Variants in RFTN1 observed in about 807,000 individuals in gnomAD.
RFTN1 encodes raftlin.
Under a neutral mutation model 46.5 loss-of-function variants are expected in RFTN1, and 26 were observed. The observed-to-expected ratio is 0.56, with a 90% CI of 0.41 to 0.78. The LOEUF is 0.78. Among genes scored for constraint, RFTN1 ranks in the 30% least tolerant of loss-of-function variants. RFTN1 has a pLI of 0.00. For missense variants in RFTN1, 693 were observed against 718.7 expected (o/e 0.96, Z 0.41); for synonymous variants, 261 against 284.2 (o/e 0.92, Z 0.82).
rs533389425 is a variant in RFTN1 at position 16,452,220 on chromosome 3, CA to C, written c.146-18184del. ...CCAAGGATAAGGGGGAACTACTGTA[CA>C]AACAGTGAATGAGAGTTATTCATAA... On this transcript the variant is annotated intron_variant, in intron 2 of 9. Coordinates refer to ENST00000334133, the MANE Select transcript of RFTN1 (RefSeq NM_015150.2). This position sits in a 1 kb window ranked among gnomAD's most constrained non-coding sequence, Gnocchi z 6.3. 2.6e-5 allele frequency among the ~76,000 whole-genome samples: 4 copies of C among 151,330 alleles called. No individual in the cohort carries two copies. Among genetic ancestry groups the C allele is most frequent in the African/African-American group, 9.7e-5 (4 of 41,172 alleles).
At chr3:16,406,904 T>G (rs772758529) in intron 4 of RFTN1, among the ~76,000 whole-genome samples, 39 of 152,290 alleles carry the variant, frequency 2.6e-4, no homozygotes, top group Middle Eastern at 3.4e-3. Context: ...CAGACACACA[T>G]GTGCATACAC....
intron 7 of RFTN1, among the ~76,000 whole-genome samples, chr3:16,354,068 G>T (rs192862313): frequency 6.6e-6 from 1 of 152,196 alleles, no homozygotes; most frequent in Non-Finnish European, 1.5e-5. Context: ...TCTACCTTGG[G>T]CTGAACCAAA....
At chr3:16,355,536 A>T (rs1366181380) in intron 7 of RFTN1, among the ~76,000 whole-genome samples, 2 of 152,256 alleles carry the variant, frequency 1.3e-5, no homozygotes, top group Non-Finnish European at 2.9e-5. Context: ...AAGGGCATTC[A>T]TCCTATCCAT....
At chr3:16,349,610 A>G (rs1202049769) in intron 7 of RFTN1, 1 of 152,264 alleles carries the variant, frequency 6.6e-6, no homozygotes, top group African/African-American at 2.4e-5. Context: ...AGAAAAGGGT[A>G]TGTTCAAGAC....
chr3:16,338,706 A>T lies in RFTN1; in HGVS notation c.1147-11830T>A, dbSNP rs1180146691. On this transcript the variant is annotated intron_variant, in intron 7 of 9. Coordinates refer to ENST00000334133, the MANE Select transcript of RFTN1 (RefSeq NM_015150.2). The surrounding 1 kb of genome is among the most constrained non-coding windows in gnomAD (Gnocchi z 5.3). ...TATTACTCTCTTTAGACTATCAGAG[A>T]TGAATGAGGGATCCTATATCATATC... 6.6e-6 allele frequency among the ~76,000 whole-genome samples: 1 copy of T among 152,208 alleles called. No individual in the cohort carries two copies. Among genetic ancestry groups the T allele is most frequent in the Non-Finnish European group, 1.5e-5 (1 of 68,032 alleles).
intron 6 of RFTN1, among the ~76,000 whole-genome samples, chr3:16,368,321 A>ACTC (rs2073328554): frequency 2.0e-5 from 3 of 148,466 alleles, no homozygotes; most frequent in African/African-American, 7.5e-5. Context: ...GTGTAGAGGG[A>ACTC]GGTTACCCAC....
In RFTN1 at chr3:16,497,987, T is replaced by C. The variant is rs1324794262; in HGVS notation, c.-8-4110A>G. On this transcript the variant is annotated intron_variant, in intron 1 of 9. Coordinates refer to ENST00000334133, the MANE Select transcript of RFTN1 (RefSeq NM_015150.2). The stretch of plus-strand genomic sequence containing the variant: ...AGTACCAAGAAGCATTAGAAAACTC[T>C]TGTGATTCACAAGAGTTTAAAGTTT... Among the ~76,000 whole-genome samples the C allele has an allele frequency of 3.9e-5, 6 of 152,280 alleles. No homozygotes were observed. The East Asian group carries it at 1.2e-3, about 29-fold the overall frequency.
At chr3:16,340,416 G>C (rs939741952) in intron 7 of RFTN1, among the ~76,000 whole-genome samples, 1 of 152,190 alleles carries the variant, frequency 6.6e-6, no homozygotes, top group Non-Finnish European at 1.5e-5. Context: ...ATATGAATGA[G>C]GCCACTCTAG....
rs1414996462 is a variant in RFTN1, at chr3:16,513,496, T to C, written c.-63A>G. 6.6e-6 allele frequency: 1 copy of C among 152,040 alleles called. No homozygotes were observed. The highest frequency in any genetic ancestry group is 1.9e-4 in the East Asian group (1 of 5,148). The allele number at this position is 152,040 out of a possible 1,614,324, so 9.4% of individuals were successfully genotyped here. A position where few individuals can be genotyped will look rare whatever the true frequency, so the allele number is the denominator to read the frequency against. ...GTCGCGGGCTCCCTGAGGCAGCGTG[T>C]TCCGTCCCGGGAGGAAAGTTTGTGC... On this transcript the variant is annotated 5_prime_UTR_variant, in exon 1 of 10. Coordinates refer to ENST00000334133, the MANE Select transcript of RFTN1 (RefSeq NM_015150.2). The surrounding 1 kb of genome is among the most constrained non-coding windows in gnomAD (Gnocchi z 5.4).
In RFTN1 at chr3:16,425,138, A is replaced by G. The variant is rs141406997; in HGVS notation, c.332+8713T>C. Among the ~76,000 whole-genome samples, 658 of 152,346 alleles carry G rather than the reference A, an allele frequency of 4.3e-3. 7 individuals are homozygous for G. Among genetic ancestry groups the G allele is most frequent in the African/African-American group, 0.015 (615 of 41,584 alleles). Reference sequence around the variant, plus strand: ...CGCTTTAGTAAAATTATTTGCAACTAAATTACCTACACTTATGCATACGAT... The same window carrying G: ...CGCTTTAGTAAAATTATTTGCAACTGAATTACCTACACTTATGCATACGAT... On this transcript the variant is annotated intron_variant, in intron 3 of 9. Coordinates refer to ENST00000334133, the MANE Select transcript of RFTN1 (RefSeq NM_015150.2). This position sits in a 1 kb window ranked among gnomAD's most constrained non-coding sequence, Gnocchi z 4.3.
chr3:16,395,420 AT>A (rs1012545841), intron 4 of RFTN1, among the ~76,000 whole-genome samples: 2 of 152,214 alleles, frequency 1.3e-5, no homozygotes, highest in African/African-American at 4.8e-5. Context: ...AGCACTTAAA[AT>A]ACGACTCATG....
At position 16,377,685 on chromosome 3, in the gene RFTN1, G is replaced by A. The variant is rs776454286; in HGVS notation, c.826+33C>T. 10 of 1,546,300 alleles carry A rather than the reference G, an allele frequency of 6.5e-6. No individual in the cohort carries two copies. In the African/African-American group the frequency reaches 8.2e-5, roughly 13 times the overall value. Reference sequence around the variant, plus strand: ...TGAAAAGCTGTTAGCTGCTCTTTAAGTGGGTCAAAACTCCCATTGCTGACA... The same window carrying A: ...TGAAAAGCTGTTAGCTGCTCTTTAAATGGGTCAAAACTCCCATTGCTGACA... On this transcript the variant is annotated intron_variant, in intron 5 of 9. Transcript: ENST00000334133.
intron 2 of RFTN1, among the ~76,000 whole-genome samples, chr3:16,453,876 AAG>A (rs767576098): frequency 2.6e-5 from 4 of 152,234 alleles, no homozygotes; most frequent in East Asian, 1.9e-4. Flanking sequence ...GACATTTATA[AAG>A]AGAGAGTGAT....
intron 7 of RFTN1, among the ~76,000 whole-genome samples, chr3:16,350,774 A>G (rs893356294): frequency 1.3e-5 from 2 of 152,194 alleles, no homozygotes; most frequent in Non-Finnish European, 2.9e-5. Context: ...CATCCCTATC[A>G]CAGGAAAAAG....
chr3:16,409,245 C>T, intron 4 of RFTN1, 130 bp downstream of exon 4: 2 of 612,208 alleles, frequency 3.3e-6, no homozygotes, highest in Non-Finnish European at 5.9e-6. Context: ...GTGGGGCTGC[C>T]AAAGGTTTAG....
At chr3:16,367,756 G>A (rs1225144416) in intron 6 of RFTN1, among the ~76,000 whole-genome samples, 1 of 152,192 alleles carries the variant, frequency 6.6e-6, no homozygotes, top group Non-Finnish European at 1.5e-5. Flanking sequence ...TGGGGTGACG[G>A]GAAGTAGAGG....
At chr3:16,354,033 C>T (rs2072263949) in intron 7 of RFTN1, among the ~76,000 whole-genome samples, 1 of 152,190 alleles carries the variant, frequency 6.6e-6, no homozygotes, top group Admixed American at 6.5e-5. Flanking sequence ...GATTCTGATA[C>T]AAGCTCAATT....
intron 6 of RFTN1, among the ~76,000 whole-genome samples, chr3:16,359,032 CAAA>C (rs771185605): frequency 9.7e-4 from 87 of 89,504 alleles, no homozygotes; most frequent in African/African-American, 4.4e-4. Flanking sequence ...ATTCTGTCTC[CAAA>C]AAAAAAAAAA....
At chr3:16,390,835 T>A (rs1023916659) in intron 4 of RFTN1, among the ~76,000 whole-genome samples, 8 of 151,990 alleles carry the variant, frequency 5.3e-5, no homozygotes, top group African/African-American at 1.9e-4. Context: ...GAAACAAAAT[T>A]TCTACACCAA....
Sources: gnomAD v4.1 joint callset for allele counts (sites outside exome capture counted in the v4.1 genomes callset) on GRCh38, gnomAD v4.1.1 for gene constraint, Gnocchi (gnomAD v3.1) non-coding constraint, MANE v1.5 for transcripts, NCBI Gene and HGNC (gene_info 2026-07-23, HGNC 2026-07-21) for gene names.